Variants in THSD7B observed in about 807,000 individuals in gnomAD.
THSD7B encodes the protein thrombospondin type 1 domain containing 7B.
THSD7B carries 138 observed loss-of-function variants against 213.6 expected under a neutral mutation model. That is an observed-to-expected ratio of 0.65 (90% CI 0.56 to 0.74). The LOEUF (loss-of-function observed/expected upper bound fraction) is 0.74, where lower values mean the gene tolerates loss of function less well. Ranked by LOEUF, THSD7B falls within the 30% of genes least tolerant of loss-of-function variation. THSD7B has a pLI of 0.00. For missense variants in THSD7B, 1,931 were observed against 1,991.5 expected (o/e 0.97, Z 0.58); for synonymous variants, 742 against 687.0 (o/e 1.08, Z -1.25).
chr2:136,823,883 A>T (rs1411496260), intron 1 of THSD7B, among the ~76,000 whole-genome samples: 2 of 152,150 alleles, frequency 1.3e-5, no homozygotes, highest in Non-Finnish European at 2.9e-5. Flanking sequence ...AGGTGTAGCA[A>T]AGATATATAT....
At chr2:137,061,634 C>G (rs1687274463) in intron 3 of THSD7B, among the ~76,000 whole-genome samples, 1 of 151,366 alleles carries the variant, frequency 6.6e-6, no homozygotes, top group East Asian at 1.9e-4. Flanking sequence ...GATTTTTGTT[C>G]ATTAGCCTGT....
chr2:136,816,478 G>A (rs752067503), intron 1 of THSD7B, among the ~76,000 whole-genome samples: 2 of 152,120 alleles, frequency 1.3e-5, no homozygotes, highest in Non-Finnish European at 2.9e-5. Flanking sequence ...GCTGCATAGG[G>A]TTCCATTGCA....
intron 5 of THSD7B, among the ~76,000 whole-genome samples, chr2:137,126,951 C>T (rs558946576): frequency 3.3e-5 from 5 of 152,212 alleles, no homozygotes; most frequent in South Asian, 2.1e-4. Flanking sequence ...TCAGAACACA[C>T]ACAACATTTA....
chr2:137,598,136 A>G (rs545055669), intron 17 of THSD7B, among the ~76,000 whole-genome samples: 3 of 151,930 alleles, frequency 2.0e-5, no homozygotes, highest in Non-Finnish European at 2.9e-5. Flanking sequence ...ACATATGCAT[A>G]TTTTTAATAA....
intron 15 of THSD7B, among the ~76,000 whole-genome samples, chr2:137,464,359 G>A (rs557707927): frequency 3.4e-4 from 51 of 152,104 alleles, no homozygotes; most frequent in African/African-American, 1.2e-3. Flanking sequence ...ATTAAGTGCA[G>A]ACAACACCAT....
chr2:136,935,048 T>C (rs576703798), intron 2 of THSD7B, among the ~76,000 whole-genome samples: 9 of 152,248 alleles, frequency 5.9e-5, no homozygotes, highest in African/African-American at 2.2e-4. Flanking sequence ...AACTGTGGTA[T>C]TTATGAGGAG....
intron 15 of THSD7B, among the ~76,000 whole-genome samples, chr2:137,488,127 G>T (rs1688506858): frequency 6.6e-6 from 1 of 152,116 alleles, no homozygotes; most frequent in African/African-American, 2.4e-5. Context: ...ATTTAGATTT[G>T]AAACCTAGTA....
intron 2 of THSD7B, among the ~76,000 whole-genome samples, chr2:136,926,811 C>G (rs1197241646): frequency 6.6e-6 from 1 of 152,200 alleles, no homozygotes; most frequent in Non-Finnish European, 1.5e-5. Context: ...CTCAGCCAAG[C>G]TGGCTGTATT....
intron 12 of THSD7B, among the ~76,000 whole-genome samples, chr2:137,316,731 C>G (rs1352724786): frequency 6.9e-6 from 1 of 144,786 alleles, no homozygotes; most frequent in Non-Finnish European, 1.5e-5. Flanking sequence ...GCACTCCAGC[C>G]TGGGCGACAG....
rs139366134 is a variant in THSD7B, at chr2:137,058,775, C to T, written c.950+1545C>T. ...GCAGTTCTCATAGATGGGATTAGTG[C>T]GCCATGAGAGCTTCCTCTCACTCTT... On this transcript the variant is annotated intron_variant, in intron 3 of 27. Transcript: ENST00000409968. Among the ~76,000 whole-genome samples, 68 of 152,138 alleles carry T rather than the reference C, an allele frequency of 4.5e-4. No individual in the cohort carries two copies. The East Asian group carries it at 9.9e-3, about 22-fold the overall frequency.
At chr2:137,074,945 C>T (rs998528418) in intron 3 of THSD7B, among the ~76,000 whole-genome samples, 6 of 152,154 alleles carry the variant, frequency 3.9e-5, no homozygotes, top group African/African-American at 7.2e-5. Context: ...GAGTTTCTGC[C>T]GAGATATCAG....
At chr2:136,815,564 A>G (rs1362773498) in intron 1 of THSD7B, among the ~76,000 whole-genome samples, 2 of 152,212 alleles carry the variant, frequency 1.3e-5, no homozygotes, top group East Asian at 1.9e-4. Context: ...ATTTTAACCT[A>G]TATTAGAAAA....
chr2:137,327,099 C>T (rs1299661480), intron 12 of THSD7B, among the ~76,000 whole-genome samples: 1 of 152,140 alleles, frequency 6.6e-6, no homozygotes, highest in Non-Finnish European at 1.5e-5. Flanking sequence ...AGTTATTTGT[C>T]ATCTCCAATG....
intron 3 of THSD7B, among the ~76,000 whole-genome samples, chr2:137,061,472 G>C (rs572108019): frequency 1.1e-4 from 16 of 148,296 alleles, no homozygotes; most frequent in African/African-American, 4.0e-4. Flanking sequence ...TCACCATTAA[G>C]TGTTTTGTTA....
At chr2:136,827,751 T>G (rs1365628336) in intron 1 of THSD7B, among the ~76,000 whole-genome samples, 2 of 150,108 alleles carry the variant, frequency 1.3e-5, no homozygotes, top group African/African-American at 4.9e-5. Context: ...TATGAGATAT[T>G]TAGAGAGTTA....
chr2:136,872,868 C>G lies in THSD7B; in HGVS notation c.-35-9276C>G, dbSNP rs977644892. 8.3e-5 allele frequency among the ~76,000 whole-genome samples: 12 copies of G among 143,946 alleles called. No individual in the cohort carries two copies. The East Asian group carries it at 1.8e-3, about 22-fold the overall frequency. 94.4% of individuals were successfully genotyped at this position (143,946 alleles called of 152,430 possible). ...GGCATGGTGGCAGGCACCTGTAATC[C>G]CAGCTACTTGGATTTATAAAGTAGG... On this transcript the variant is annotated intron_variant, in intron 1 of 27. Coordinates refer to ENST00000409968, the MANE Select transcript of THSD7B (RefSeq NM_001316349.2).
At chr2:136,907,035 C>G (rs1188847085) in intron 2 of THSD7B, among the ~76,000 whole-genome samples, 1 of 144,868 alleles carries the variant, frequency 6.9e-6, no homozygotes, top group Non-Finnish European at 1.5e-5. Context: ...ACCTCCACCT[C>G]CTGGGTTCAA....
intron 2 of THSD7B, among the ~76,000 whole-genome samples, chr2:136,882,731 C>A (rs1683646987): frequency 1.3e-5 from 2 of 152,158 alleles, no homozygotes; most frequent in South Asian, 4.1e-4. Context: ...TGCTTTCCAG[C>A]ATAGATCTTC....
chr2:137,171,351 A>G (rs1306553219), intron 7 of THSD7B, among the ~76,000 whole-genome samples: 1 of 152,196 alleles, frequency 6.6e-6, no homozygotes, highest in Non-Finnish European at 1.5e-5. Flanking sequence ...TGCAAGTTAA[A>G]AAAAGAACCA....
Sources: allele counts gnomAD v4.1 joint callset (sites outside exome capture counted in the v4.1 genomes callset), GRCh38; gene constraint gnomAD v4.1.1; transcripts MANE v1.5; gene names NCBI Gene and HGNC (gene_info 2026-07-23, HGNC 2026-07-21).